The following AUTS2 variants were observed in gnomAD, a reference collection of about 807,000 sequenced individuals.
AUTS2 encodes autism susceptibility gene 2 protein.
A neutral mutation model predicts 112.4 loss-of-function variants in AUTS2; 17 were observed. The ratio of observed to expected loss-of-function variants is 0.15; its 90% CI spans 0.10 to 0.23. AUTS2 has a LOEUF of 0.23. AUTS2 is among the 10% of genes least tolerant of loss of function. AUTS2 has a pLI of 1.00. For missense variants in AUTS2, 1,510 were observed against 1,701.6 expected, an observed-to-expected ratio of 0.89 and a Z score of 1.98; for synonymous variants, 751 against 702.7, an observed-to-expected ratio of 1.07 and a Z score of -1.09.
At chr7:70,155,720 C>T (rs1807712210) in intron 4 of AUTS2, among the ~76,000 whole-genome samples, 2 of 152,128 alleles carry the variant, frequency 1.3e-5, no homozygotes, top group African/African-American at 2.4e-5. Flanking sequence ...AATATCCCTT[C>T]CCTTGGGCTT....
At chr7:70,789,603 C>T in intron 18 of AUTS2, 145 bp from the exon 19 acceptor site, 1 of 924,194 alleles carries the variant, frequency 1.1e-6, no homozygotes. Flanking sequence ...TCTGCCCTGT[C>T]CAGGGCACGG....
chr7:70,374,438 A>G (rs1038026869), intron 4 of AUTS2, among the ~76,000 whole-genome samples: 8 of 152,222 alleles, frequency 5.3e-5, no homozygotes, highest in Non-Finnish European at 1.5e-5. Flanking sequence ...GAGATGCTAC[A>G]AATGTATTGC....
intron 5 of AUTS2, among the ~76,000 whole-genome samples, chr7:70,442,251 A>T (rs915991902): frequency 6.6e-6 from 1 of 152,082 alleles, no homozygotes; most frequent in Non-Finnish European, 1.5e-5. Flanking sequence ...TTTCCTGGAT[A>T]CTCATCTCCA....
At chr7:70,122,349 A>G (rs895093241) in intron 3 of AUTS2, among the ~76,000 whole-genome samples, 2 of 152,226 alleles carry the variant, frequency 1.3e-5, no homozygotes, top group African/African-American at 4.8e-5. Context: ...TAAAAAATGT[A>G]AAAATAATTA....
chr7:70,512,202 A>G (rs993959951), intron 5 of AUTS2, among the ~76,000 whole-genome samples: 3 of 152,220 alleles, frequency 2.0e-5, no homozygotes, highest in South Asian at 2.1e-4. Context: ...CTCCCACACA[A>G]AAAGCTCACT....
intron 4 of AUTS2, chr7:70,291,871 T>G (rs1229465854): frequency 6.6e-6 from 1 of 152,120 alleles, no homozygotes; most frequent in Non-Finnish European, 1.5e-5. Context: ...TTGGTCCAGA[T>G]GGAAAGCCAC....
chr7:69,676,483 C>G (rs1388160108), intron 1 of AUTS2, among the ~76,000 whole-genome samples: 1 of 152,186 alleles, frequency 6.6e-6, no homozygotes, highest in Admixed American at 6.5e-5. Flanking sequence ...TGAGCCACCT[C>G]TTGTAACTTT....
At chr7:70,737,211 AG>A (rs138506394) in intron 6 of AUTS2, among the ~76,000 whole-genome samples, 3,307 of 152,348 alleles carry the variant, frequency 0.022, 155 homozygotes, top group African/African-American at 0.073. Context: ...TAATGATCCC[AG>A]GTGGGCTGGA....
In AUTS2 at chr7:69,815,453, A is replaced by G. The variant is rs1327594559; in HGVS notation, c.310-83833A>G. ...TTGGAATGATAGATCTTTGAAAAAA[A>G]CAGGTAGTTTATAGTACATTGGAGG... On this transcript the variant is annotated intron_variant, in intron 1 of 18. Transcript: ENST00000342771. Among the ~76,000 whole-genome samples the G allele has an allele frequency of 2.6e-5, 4 of 152,318 alleles. No homozygotes were observed. The East Asian group carries it at 7.7e-4, about 29-fold the overall frequency.
At chr7:70,724,481 T>G (rs1786899924) in intron 6 of AUTS2, among the ~76,000 whole-genome samples, 1 of 136,366 alleles carries the variant, frequency 7.3e-6, no homozygotes, top group Non-Finnish European at 1.6e-5. Context: ...AGTCTCGCTT[T>G]GTCGCCCAGG....
chr7:69,717,572 A>C (rs1376279761), intron 1 of AUTS2, among the ~76,000 whole-genome samples: 1 of 152,196 alleles, frequency 6.6e-6, no homozygotes, highest in African/African-American at 2.4e-5. Context: ...GACCAGAATG[A>C]AGGGTGCAGA....
At chr7:69,728,091 A>C (rs1786605505) in intron 1 of AUTS2, among the ~76,000 whole-genome samples, 1 of 152,000 alleles carries the variant, frequency 6.6e-6, no homozygotes, top group South Asian at 2.1e-4. Flanking sequence ...GAATGTATGC[A>C]TAGGAGCTGA....
intron 1 of AUTS2, among the ~76,000 whole-genome samples, chr7:69,705,650 A>G (rs1303796797): frequency 6.6e-6 from 1 of 152,192 alleles, no homozygotes; most frequent in African/African-American, 2.4e-5. Flanking sequence ...TATTCGTGGG[A>G]AATTGCTTAT....
chr7:70,752,651 G>A (rs1788940248), intron 6 of AUTS2, among the ~76,000 whole-genome samples: 1 of 152,122 alleles, frequency 6.6e-6, no homozygotes, highest in Non-Finnish European at 1.5e-5. Context: ...ATAGGCACAT[G>A]AGGCAGGGTA....
At chr7:69,634,336 G>A (rs2129107338) in intron 1 of AUTS2, among the ~76,000 whole-genome samples, 1 of 152,010 alleles carries the variant, frequency 6.6e-6, no homozygotes, top group East Asian at 1.9e-4. Flanking sequence ...TAGCCAGGAT[G>A]GTCTCGATCT....
chr7:70,044,682 G>C (rs2129558366), intron 2 of AUTS2, among the ~76,000 whole-genome samples: 1 of 152,280 alleles, frequency 6.6e-6, no homozygotes, highest in Non-Finnish European at 1.5e-5. Context: ...TGGGAGACCC[G>C]TTCCTTTTCA....
intron 13 of AUTS2, chr7:70,776,801 A>G (rs918078493): frequency 2.6e-5 from 11 of 421,968 alleles, no homozygotes; most frequent in Non-Finnish European, 3.5e-5. Context: ...CAGAAAAGAA[A>G]GAGAAGAGGC....
intron 5 of AUTS2, among the ~76,000 whole-genome samples, chr7:70,527,686 T>G (rs1421661454): frequency 6.6e-6 from 1 of 152,146 alleles, no homozygotes; most frequent in Admixed American, 6.5e-5. Flanking sequence ...ATATAAACAG[T>G]GGAAATGGGC....
rs1789689705 is a variant in AUTS2, at chr7:70,763,261, G to T, written c.1134G>T (p.Val378=). ...TQLLHQNLPP[V]QAHPSAQSLS... is the part of the protein sequence containing the mutation. ...TGCTCCATCAGAACCTCCCACCTGT[G>T]CAGGCCCACCCCTCTGCTCAGAGCC... Residue 378 remains valine (V), a synonymous_variant, in exon 7 of 19, where the codon GTG becomes GTT. Coordinates refer to ENST00000342771, the MANE Select transcript of AUTS2 (RefSeq NM_015570.4). 1.9e-6 allele frequency: 3 copies of T among 1,613,598 alleles called. No homozygotes were observed. The East Asian group carries it at 6.7e-5, about 36-fold the overall frequency.
Sources: allele counts gnomAD v4.1 joint callset (sites outside exome capture counted in the v4.1 genomes callset), GRCh38; gene constraint gnomAD v4.1.1; transcripts MANE v1.5; gene names NCBI Gene and HGNC (gene_info 2026-07-23, HGNC 2026-07-21).